The following FHIT variants were observed in gnomAD, a reference collection of about 807,000 sequenced individuals.
FHIT encodes bis(5'-adenosyl)-triphosphatase.
In FHIT, 19 loss-of-function variants were observed where a neutral mutation model predicts 17.9. The ratio of observed to expected loss-of-function variants is 1.06; its 90% confidence interval spans 0.74 to 1.56. The LOEUF is 1.56. Ranked by LOEUF, FHIT falls within the 40% of genes most tolerant of loss-of-function variation. FHIT has a pLI of 0.00. For missense variants in FHIT, 248 were observed against 189.2 expected (o/e 1.31, Z -1.82); for synonymous variants, 81 against 69.7 (o/e 1.16, Z -0.81).
intron 3 of FHIT, among the ~76,000 whole-genome samples, chr3:60,935,826 G>A (rs1326974264): frequency 6.6e-6 from 1 of 152,206 alleles, no homozygotes; most frequent in African/African-American, 2.4e-5. Context: ...CTTCTAAACT[G>A]CTCGGTAGCA....
At chr3:60,804,515 T>C (rs1701313976) in intron 4 of FHIT, among the ~76,000 whole-genome samples, 1 of 152,196 alleles carries the variant, frequency 6.6e-6, no homozygotes, top group South Asian at 2.1e-4. Flanking sequence ...AGTTTCTTCA[T>C]CTATAAAGTG....
intron 4 of FHIT, among the ~76,000 whole-genome samples, chr3:60,758,007 G>C (rs1699509716): frequency 6.6e-6 from 1 of 152,146 alleles, no homozygotes; most frequent in Non-Finnish European, 1.5e-5. Context: ...GGGCTCTCTA[G>C]CTTCCAGTTA....
At chr3:59,830,118 A>C (rs960251918) in intron 8 of FHIT, among the ~76,000 whole-genome samples, 1 of 152,146 alleles carries the variant, frequency 6.6e-6, no homozygotes, top group African/African-American at 2.4e-5. Flanking sequence ...AGTTTACATT[A>C]GTGGCAAATA....
chr3:60,198,997 G>A (rs572392610), intron 5 of FHIT, among the ~76,000 whole-genome samples: 167 of 152,270 alleles, frequency 1.1e-3, no homozygotes, highest in Admixed American at 2.3e-3. Context: ...ACTCCTTTCT[G>A]TAGTCAGGTT....
chr3:61,119,321 C>T (rs539404443), intron 2 of FHIT, among the ~76,000 whole-genome samples: 3 of 152,120 alleles, frequency 2.0e-5, no homozygotes, highest in South Asian at 2.1e-4. Context: ...CAGGGTCAAG[C>T]GATTCCCTGC....
At chr3:60,022,444 C>T (rs1700586861) in intron 5 of FHIT, among the ~76,000 whole-genome samples, 1 of 152,206 alleles carries the variant, frequency 6.6e-6, no homozygotes, top group Non-Finnish European at 1.5e-5. Context: ...ATATACGTCA[C>T]TTCTGGGCTA....
chr3:60,431,184 C>G (rs1388494546), intron 5 of FHIT, among the ~76,000 whole-genome samples: 1 of 148,614 alleles, frequency 6.7e-6, no homozygotes, highest in Non-Finnish European at 1.5e-5. Context: ...GCACTCTAGC[C>G]TGGATGACAA....
intron 7 of FHIT, among the ~76,000 whole-genome samples, chr3:59,950,874 C>T (rs1021293582): frequency 6.6e-6 from 1 of 152,182 alleles, no homozygotes; most frequent in Admixed American, 6.5e-5. Flanking sequence ...ATAAATGAGA[C>T]AATTTGACAA....
intron 4 of FHIT, among the ~76,000 whole-genome samples, chr3:60,757,952 G>A (rs1268700554): frequency 6.6e-6 from 1 of 152,094 alleles, no homozygotes; most frequent in Non-Finnish European, 1.5e-5. Context: ...CCCTTTCCTC[G>A]CCTGTTGCCT....
chr3:60,051,891 T>C (rs1186607461), intron 5 of FHIT, among the ~76,000 whole-genome samples: 1 of 152,176 alleles, frequency 6.6e-6, no homozygotes, highest in Non-Finnish European at 1.5e-5. Flanking sequence ...GTAGGAGTAC[T>C]GACCCACTCT....
At position 60,844,909 on chromosome 3, in the gene FHIT, G is replaced by A. The variant is rs371456284; in HGVS notation, c.-110-22898C>T. Among the ~76,000 whole-genome samples, 72 of 152,032 alleles carry A rather than the reference G, an allele frequency of 4.7e-4. 1 individual carries two copies. The highest frequency in any genetic ancestry group is 3.4e-3 in the Middle Eastern group (1 of 294). Reference sequence around the variant, plus strand: ...TGACCCCCTGATCATTTTCCCTGAGGGTGCATATTTATTCACTAACTATGT... The same window carrying A: ...TGACCCCCTGATCATTTTCCCTGAGAGTGCATATTTATTCACTAACTATGT... On this transcript the variant is annotated intron_variant, in intron 3 of 9. Transcript: ENST00000492590.
intron 2 of FHIT, among the ~76,000 whole-genome samples, chr3:61,124,444 G>A (rs1208821073): frequency 6.6e-6 from 1 of 152,096 alleles, no homozygotes; most frequent in South Asian, 2.1e-4. Context: ...TGGGATGGGG[G>A]TGTTCTAATT....
At chr3:60,159,491 AT>A (rs1392878563) in intron 5 of FHIT, among the ~76,000 whole-genome samples, 1 of 152,120 alleles carries the variant, frequency 6.6e-6, no homozygotes, top group African/African-American at 2.4e-5. Flanking sequence ...CAATTTTCGT[AT>A]GGTTTAAATT....
At chr3:59,966,560 G>A (rs748673086) in intron 7 of FHIT, among the ~76,000 whole-genome samples, 1 of 152,102 alleles carries the variant, frequency 6.6e-6, no homozygotes, top group Non-Finnish European at 1.5e-5. Flanking sequence ...CAGCTCCTAG[G>A]TTACAAAGGT....
At chr3:60,325,590 A>G (rs1709654498) in intron 5 of FHIT, among the ~76,000 whole-genome samples, 1 of 152,242 alleles carries the variant, frequency 6.6e-6, no homozygotes, top group African/African-American at 2.4e-5. Context: ...TGCTAAAAAT[A>G]CATTCATTAC....
intron 2 of FHIT, among the ~76,000 whole-genome samples, chr3:61,144,075 C>A (rs761161483): frequency 2.6e-5 from 4 of 152,128 alleles, no homozygotes; most frequent in African/African-American, 4.8e-5. Context: ...AAAATTCACC[C>A]ATTTAAACTG....
intron 4 of FHIT, among the ~76,000 whole-genome samples, chr3:60,719,795 C>A (rs1163546127): frequency 6.6e-6 from 1 of 152,170 alleles, no homozygotes; most frequent in Non-Finnish European, 1.5e-5. Flanking sequence ...TCATCGTCTA[C>A]TCCTTTGAAT....
rs17063488 is a variant in FHIT, at chr3:60,555,266, A to G, written c.-17-18287T>C. 5.4e-3 allele frequency among the ~76,000 whole-genome samples: 818 copies of G among 152,336 alleles called. 5 individuals are homozygous for G. Among genetic ancestry groups the G allele is most frequent in the African/African-American group, 0.019 (785 of 41,580 alleles). ...AAAGGAAATCATAAAAAGTCAAACTATAGCCTCTGTGTTATGTCCCCACTA... is the reference window on the plus strand; with the variant it reads ...AAAGGAAATCATAAAAAGTCAAACTGTAGCCTCTGTGTTATGTCCCCACTA... On this transcript the variant is annotated intron_variant, in intron 4 of 9. Transcript: ENST00000492590.
intron 4 of FHIT, among the ~76,000 whole-genome samples, chr3:60,547,328 G>A (rs543652454): frequency 1.4e-4 from 22 of 152,214 alleles, no homozygotes; most frequent in Non-Finnish European, 2.5e-4. Flanking sequence ...CTCAGTCCAA[G>A]GTTTAGACCC....
Sources: allele counts gnomAD v4.1 joint callset (sites outside exome capture counted in the v4.1 genomes callset), GRCh38; gene constraint gnomAD v4.1.1; transcripts MANE v1.5; gene names NCBI Gene and HGNC (gene_info 2026-07-23, HGNC 2026-07-21).